TSC1: variants seen among roughly 807,000 people sequenced by gnomAD.
The protein encoded by TSC1 is TSC complex subunit 1.
A neutral mutation model predicts 124.3 loss-of-function variants in TSC1; 20 were observed. The observed-to-expected ratio is 0.16, with a 90% CI of 0.11 to 0.23. The LOEUF (loss-of-function observed/expected upper bound fraction) is 0.23. Among genes scored for constraint, TSC1 ranks in the 10% least tolerant of loss-of-function variants. The probability of loss-of-function intolerance (pLI) is 1.00; values close to 1 mark genes in which losing one functional copy is unlikely to be tolerated. For missense variants in TSC1, 1,124 were observed against 1,448.5 expected (o/e 0.78, Z 3.64); for synonymous variants, 493 against 539.1 (o/e 0.91, Z 1.19).
intron 8 of TSC1, among the ~76,000 whole-genome samples, chr9:132,913,190 C>A (rs1038570999): frequency 1.3e-5 from 2 of 152,154 alleles, no homozygotes; most frequent in African/African-American, 2.4e-5. Context: ...ACCTTGGCCT[C>A]CCAAAGTGCT....
In TSC1 at chr9:132,906,057, A is replaced by G. The variant is rs1845653573; in HGVS notation, c.1521T>C (p.Phe507=). Residue 507 remains phenylalanine, a synonymous_variant, in exon 15 of 23, where the codon TTT becomes TTC. Transcript: ENST00000298552. This position sits in a 1 kb window ranked among gnomAD's most constrained non-coding sequence, Gnocchi z 4.1. ...GAGAACCTGGGAGACTGTCTCGGTA[A>G]AAGGGAGAGTCAAAGCCTCCTCGAG... ...VVPRGGFDSP[F]YRDSLPGSQR... is the part of the protein sequence containing the mutation. 1 of 1,613,964 alleles carries G rather than the reference A, an allele frequency of 6.2e-7. No homozygotes were observed. Among genetic ancestry groups the G allele is most frequent in the Non-Finnish European group, 8.5e-7 (1 of 1,180,012 alleles).
intron 8 of TSC1, among the ~76,000 whole-genome samples, chr9:132,913,381 G>A (rs1346901108): frequency 6.6e-6 from 1 of 152,182 alleles, no homozygotes; most frequent in Non-Finnish European, 1.5e-5. Flanking sequence ...GCCCTTTGTG[G>A]TGAGTCTCTT....
intron 5 of TSC1, 136 bp downstream of exon 5, chr9:132,925,451 T>G (rs1038716987): frequency 7.9e-6 from 8 of 1,014,334 alleles, no homozygotes; most frequent in Non-Finnish European, 1.2e-5. Context: ...GACAACATTC[T>G]ATTTGAGAAA....
intron 1 of TSC1, among the ~76,000 whole-genome samples, chr9:132,936,523 T>C (rs932463157): frequency 1.3e-5 from 2 of 152,264 alleles, no homozygotes; most frequent in East Asian, 3.8e-4. Context: ...ATCATTTTTC[T>C]ATTTTCTTCC....
rs1040923082 is a variant in TSC1, at chr9:132,921,220, TA to T, written c.737+142del. 6 of 823,308 alleles carry T rather than the reference TA, an allele frequency of 7.3e-6. No individual in the cohort carries two copies. In the African/African-American group the frequency reaches 8.5e-5, roughly 12 times the overall value. The allele number at this position is 823,308 out of a possible 1,614,324, so 51.0% of individuals were successfully genotyped here. A position where few individuals can be genotyped will look rare whatever the true frequency, so the allele number is the denominator to read the frequency against. Reference sequence around the variant, plus strand: ...GTATGTTTTAAACTCACACAAATTTTAGCTGTATGAGTGCTTCCAAGTGGAC... The same window carrying T: ...GTATGTTTTAAACTCACACAAATTTTGCTGTATGAGTGCTTCCAAGTGGAC... On this transcript the variant is annotated intron_variant, in intron 8 of 22. Coordinates refer to ENST00000298552, the MANE Select transcript of TSC1 (RefSeq NM_000368.5). This position sits in a 1 kb window ranked among gnomAD's most constrained non-coding sequence, Gnocchi z 4.3.
At chr9:132,936,125 CTCTT>C (rs1436712262) in intron 1 of TSC1, among the ~76,000 whole-genome samples, 2 of 151,922 alleles carry the variant, frequency 1.3e-5, no homozygotes, top group African/African-American at 2.4e-5. Context: ...CTTTCTTTCT[CTCTT>C]TCTTTTTTAG....
chr9:132,912,195 T>C, intron 9 of TSC1, 87 bp downstream of exon 9: 1 of 1,537,548 alleles, frequency 6.5e-7, no homozygotes, highest in Non-Finnish European at 9.0e-7. Context: ...AACTAAGTCT[T>C]ACTCCAGAAA....
intron 8 of TSC1, 62 bp from the exon 9 acceptor site, chr9:132,912,519 A>G: frequency 6.3e-7 from 1 of 1,597,344 alleles, no homozygotes; most frequent in African/African-American, 1.3e-5. Context: ...AATACTTCAG[A>G]GTGTCAACTC....
chr9:132,927,097 GA>G, intron 4 of TSC1, 103 bp downstream of exon 4: 1 of 1,126,304 alleles, frequency 8.9e-7, no homozygotes, highest in African/African-American at 1.5e-5. Flanking sequence ...GTGGCGCACA[GA>G]AATCAAAAGA....
intron 2 of TSC1, among the ~76,000 whole-genome samples, chr9:132,930,587 C>CAG (rs1847149754): frequency 2.2e-5 from 1 of 45,248 alleles, no homozygotes. Context: ...GACTCTGCCT[C>CAG]AAAAAAAAAA....
In TSC1 at chr9:132,911,625, TAAAAAAAAAAAAAAA is replaced by T. The variant is rs11364856; in HGVS notation, c.914-72_914-58del. ...GTGTGTGGTTTTAGGTTATTCTGGT[TAAAAAAAAAAAAAAA>T]AAAAAAAAAAAAAAAAGATGGTCCT... On this transcript the variant is annotated intron_variant, in intron 9 of 22. Coordinates refer to ENST00000298552, the MANE Select transcript of TSC1 (RefSeq NM_000368.5). 100 of 169,182 alleles carry T rather than the reference TAAAAAAAAAAAAAAA, an allele frequency of 5.9e-4. 1 individual carries two copies. The highest frequency in any genetic ancestry group is 2.9e-3 in the East Asian group (20 of 7,006). The allele number at this position is 169,182 out of a possible 1,614,324, so 10.5% of individuals were successfully genotyped here.
chr9:132,917,865 T>G (rs1846347395), intron 8 of TSC1, among the ~76,000 whole-genome samples: 1 of 152,236 alleles, frequency 6.6e-6, no homozygotes, highest in African/African-American at 2.4e-5. Flanking sequence ...GGCATCCTGA[T>G]GCTTACATAT....
chr9:132,937,550 A>G (rs1055249566), intron 1 of TSC1, among the ~76,000 whole-genome samples: 2 of 152,238 alleles, frequency 1.3e-5, no homozygotes, highest in Non-Finnish European at 2.9e-5. Flanking sequence ...TCTTGCGACT[A>G]ATCCCGGTTG....
chr9:132,908,557 G>A (rs1472485607), intron 12 of TSC1, among the ~76,000 whole-genome samples: 3 of 151,362 alleles, frequency 2.0e-5, no homozygotes, highest in East Asian at 2.0e-4. Context: ...GGCTCAAGCC[G>A]TTCTCCATCA....
At chr9:132,918,018 C>T (rs530242141) in intron 8 of TSC1, among the ~76,000 whole-genome samples, 1 of 152,262 alleles carries the variant, frequency 6.6e-6, no homozygotes, top group East Asian at 1.9e-4. Context: ...AACAATCTGC[C>T]CAGCCAAGGT....
At chr9:132,912,207 G>A in intron 9 of TSC1, 75 bp downstream of exon 9, 1 of 1,586,058 alleles carries the variant, frequency 6.3e-7, no homozygotes, top group East Asian at 2.2e-5. Flanking sequence ...CTCCAGAAAA[G>A]AAAATCAACA....
At chr9:132,922,020 T>C (rs1478267982) in intron 6 of TSC1, 47 bp from the exon 7 acceptor site, 4 of 1,613,090 alleles carry the variant, frequency 2.5e-6, no homozygotes, top group Non-Finnish European at 3.4e-6. Flanking sequence ...GGAGACAGAT[T>C]GAGGAGTGCA....
intron 8 of TSC1, among the ~76,000 whole-genome samples, chr9:132,914,375 C>A (rs952135571): frequency 5.3e-5 from 8 of 151,986 alleles, no homozygotes; most frequent in Admixed American, 4.6e-4. Context: ...TATAGAATAA[C>A]TATTATTACA....
Position 132,912,585 on chromosome 9 carries a change from G to A in TSC1, c.738-128C>T, listed in dbSNP as rs558298992. 19 of 1,011,558 alleles carry A rather than the reference G, an allele frequency of 1.9e-5. No individual in the cohort carries two copies. In the African/African-American group the frequency reaches 2.7e-4, roughly 14 times the overall value. The allele number at this position is 1,011,558 out of a possible 1,614,324, so 62.7% of individuals were successfully genotyped here. On this transcript the variant is annotated intron_variant, in intron 8 of 22. Transcript: ENST00000298552. ...AACAAGCGGGACCATGCCAGCCCAA[G>A]TCTGAAACAATTCTAGTACATAAAG...
Sources: gnomAD v4.1 joint callset for allele counts (sites outside exome capture counted in the v4.1 genomes callset) on GRCh38, gnomAD v4.1.1 for gene constraint, Gnocchi (gnomAD v3.1) non-coding constraint, MANE v1.5 for transcripts, NCBI Gene and HGNC (gene_info 2026-07-23, HGNC 2026-07-21) for gene names.